The following NCKAP5 variants were observed in gnomAD, a reference collection of about 807,000 sequenced individuals.
NCKAP5 encodes the protein NCK associated protein 5.
In NCKAP5, 92 loss-of-function variants were observed where a neutral mutation model predicts 167.0. The observed-to-expected ratio is 0.55, with a 90% CI of 0.47 to 0.66. The LOEUF (loss-of-function observed/expected upper bound fraction) is 0.66, where lower values mean the gene tolerates loss of function less well. NCKAP5 is among the 30% of genes least tolerant of loss of function. The pLI, the probability that NCKAP5 is intolerant of heterozygous loss-of-function variation, is 0.00. For synonymous variants in NCKAP5, 891 were observed against 877.4 expected, an observed-to-expected ratio of 1.02 and a Z score of -0.27; for missense variants, 2,378 against 2,315.0, an observed-to-expected ratio of 1.03 and a Z score of -0.56.
intron 6 of NCKAP5, among the ~76,000 whole-genome samples, chr2:133,035,121 A>T (rs2079000330): frequency 6.6e-6 from 1 of 152,072 alleles, no homozygotes; most frequent in Non-Finnish European, 1.5e-5. Context: ...CTATACTTCT[A>T]TCAAACAAAT....
At chr2:133,480,235 G>C (rs1680304579) in intron 3 of NCKAP5, among the ~76,000 whole-genome samples, 1 of 151,994 alleles carries the variant, frequency 6.6e-6, no homozygotes, top group Admixed American at 6.6e-5. Flanking sequence ...CCTGGCCTAG[G>C]GAATTAGAAT....
chr2:132,722,141 C>T (rs1002713770), intron 19 of NCKAP5, among the ~76,000 whole-genome samples: 89 of 152,170 alleles, frequency 5.8e-4, no homozygotes, highest in African/African-American at 1.8e-3. Flanking sequence ...GATTGCCTTG[C>T]GCAACTCATG....
At chr2:133,372,828 A>C (rs1385300167) in intron 3 of NCKAP5, among the ~76,000 whole-genome samples, 5 of 152,154 alleles carry the variant, frequency 3.3e-5, no homozygotes. Context: ...ACTGTAACTC[A>C]GAACTTCCTT....
chr2:133,413,333 C>G (rs1354905295), intron 3 of NCKAP5, among the ~76,000 whole-genome samples: 1 of 152,216 alleles, frequency 6.6e-6, no homozygotes, highest in Admixed American at 6.5e-5. Context: ...TCCCCTAAAT[C>G]TAGCCAGATT....
intron 4 of NCKAP5, among the ~76,000 whole-genome samples, chr2:133,220,762 G>A (rs941562994): frequency 1.3e-5 from 2 of 152,160 alleles, no homozygotes; most frequent in African/African-American, 4.8e-5. Context: ...GAGACCTCAG[G>A]CTGCAGGGTG....
intron 3 of NCKAP5, among the ~76,000 whole-genome samples, chr2:133,360,625 T>TA (rs2150864222): frequency 6.6e-6 from 1 of 152,148 alleles, no homozygotes; most frequent in South Asian, 2.1e-4. Flanking sequence ...GCCAATGAAG[T>TA]ACCCTCCTCC....
At chr2:132,675,017 T>C (rs1684250774) in intron 19 of NCKAP5, among the ~76,000 whole-genome samples, 1 of 152,232 alleles carries the variant, frequency 6.6e-6, no homozygotes. Context: ...TGGATGTAAA[T>C]AAATGGCATT....
the NCKAP5 span, among the ~76,000 whole-genome samples, chr2:133,615,151 T>A: frequency 1.4e-4 from 21 of 151,294 alleles, no homozygotes; most frequent in South Asian, 2.1e-4. Flanking sequence ...TGAAGGAAGC[T>A]CTAAACATGG....
intron 8 of NCKAP5, among the ~76,000 whole-genome samples, chr2:132,892,974 G>T: frequency 7.4e-6 from 1 of 134,778 alleles, no homozygotes; most frequent in Admixed American, 8.0e-5. Flanking sequence ...AGGAATTCTT[G>T]ACCTCTGATC....
At chr2:133,417,827 G>A (rs527845498) in intron 3 of NCKAP5, among the ~76,000 whole-genome samples, 53 of 152,306 alleles carry the variant, frequency 3.5e-4, no homozygotes, top group African/African-American at 1.1e-3. Flanking sequence ...TCGTGAATGT[G>A]ACCAGCTGTC....
the NCKAP5 span, among the ~76,000 whole-genome samples, chr2:133,667,105 C>G: frequency 6.6e-6 from 1 of 152,064 alleles, no homozygotes; most frequent in African/African-American, 2.4e-5. Flanking sequence ...GATTAACATT[C>G]AGTCTCTTAC....
At position 132,883,241 on chromosome 2, in the gene NCKAP5, A is replaced by G. The variant is rs1383770962; in HGVS notation, c.580-4325T>C. ...ACACACACACACACACACACACGAC[A>G]CCCACCATGTCCTCTGACTCCCTCC... On this transcript the variant is annotated intron_variant, in intron 8 of 19. Transcript: ENST00000409261. 3.8e-5 allele frequency among the ~76,000 whole-genome samples: 5 copies of G among 130,320 alleles called. No individual in the cohort carries two copies. The East Asian group carries it at 1.4e-3, about 36-fold the overall frequency. 85.5% of individuals were successfully genotyped at this position (130,320 alleles called of 152,430 possible).
At chr2:133,527,239 T>G (rs190647774) in intron 2 of NCKAP5, 4 of 152,286 alleles carry the variant, frequency 2.6e-5, no homozygotes, top group Non-Finnish European at 4.4e-5. Flanking sequence ...GGATGTTTTT[T>G]GAAAATCCAG....
chr2:132,875,995 G>A (rs527535403), intron 9 of NCKAP5, among the ~76,000 whole-genome samples: 4 of 152,186 alleles, frequency 2.6e-5, no homozygotes, highest in African/African-American at 4.8e-5. Flanking sequence ...CTCTTCTATT[G>A]GAACACAGAT....
intron 3 of NCKAP5, among the ~76,000 whole-genome samples, chr2:133,330,244 A>ATTTTTTTTTTTTTTT (rs765058418): frequency 1.7e-4 from 15 of 88,140 alleles, no homozygotes; most frequent in Non-Finnish European, 2.5e-4. Context: ...TATTTTTTGT[A>ATTTTTTTTTTTTTTT]TTTTTTTTTT....
chr2:132,943,891 G>T, intron 8 of NCKAP5, among the ~76,000 whole-genome samples: 1 of 152,338 alleles, frequency 6.6e-6, no homozygotes, highest in East Asian at 1.9e-4. Flanking sequence ...ACATGAGTAC[G>T]TAGCCTCCTG....
At chr2:132,860,791 G>A (rs13032464) in intron 10 of NCKAP5, among the ~76,000 whole-genome samples, 180 bp from the exon 11 acceptor site, 29,725 of 152,078 alleles carry the variant, frequency 0.2, 3,025 homozygotes, top group Middle Eastern at 0.26. Context: ...GAATTATTAT[G>A]TGCAAAGAAG....
At chr2:132,722,317 C>A (rs1299832203) in intron 19 of NCKAP5, among the ~76,000 whole-genome samples, 1 of 152,200 alleles carries the variant, frequency 6.6e-6, no homozygotes, top group African/African-American at 2.4e-5. Flanking sequence ...ACACTGGAAC[C>A]CCACTGGCAG....
intron 3 of NCKAP5, among the ~76,000 whole-genome samples, chr2:133,459,493 A>C (rs2151226179): frequency 6.6e-6 from 1 of 152,318 alleles, no homozygotes; most frequent in East Asian, 1.9e-4. Context: ...ATAGTCCCAA[A>C]GGTAGACGTT....
Sources: allele counts gnomAD v4.1 joint callset (sites outside exome capture counted in the v4.1 genomes callset), GRCh38; gene constraint gnomAD v4.1.1; transcripts MANE v1.5; gene names NCBI Gene and HGNC (gene_info 2026-07-23, HGNC 2026-07-21).